The following PAPPA2 variants were observed in gnomAD, a reference collection of about 807,000 sequenced individuals.
The protein encoded by PAPPA2 is pappalysin-2.
PAPPA2 carries 86 observed loss-of-function variants against 176.4 expected under a neutral mutation model. The ratio of observed to expected loss-of-function variants is 0.49; its 90% CI spans 0.41 to 0.58. The LOEUF (loss-of-function observed/expected upper bound fraction) is 0.58, where lower values mean the gene tolerates loss of function less well. Among genes scored for constraint, PAPPA2 ranks in the 20% least tolerant of loss-of-function variants. The probability of loss-of-function intolerance (pLI) is 0.00; values close to 1 mark genes in which losing one functional copy is unlikely to be tolerated. For missense variants in PAPPA2, 2,073 were observed against 2,256.9 expected (o/e 0.92, Z 1.65); for synonymous variants, 809 against 852.2 (o/e 0.95, Z 0.88).
At chr1:176,710,803 T>C (rs1661108171) in intron 11 of PAPPA2, among the ~76,000 whole-genome samples, 1 of 152,170 alleles carries the variant, frequency 6.6e-6, no homozygotes, top group Admixed American at 6.5e-5. Flanking sequence ...TAGGATTTTA[T>C]ACTTGAGAAG....
intron 1 of PAPPA2, among the ~76,000 whole-genome samples, chr1:176,554,249 C>T (rs181619241): frequency 7.2e-5 from 11 of 152,232 alleles, no homozygotes; most frequent in Non-Finnish European, 8.8e-5. Context: ...AGAGGCAGTG[C>T]GATCTTACTC....
intron 3 of PAPPA2, among the ~76,000 whole-genome samples, chr1:176,666,734 A>C (rs571302895): frequency 6.6e-6 from 1 of 152,028 alleles, no homozygotes; most frequent in South Asian, 2.1e-4. Flanking sequence ...GAAGATAGGA[A>C]ATTGAGGTGA....
At chr1:176,678,606 T>C (rs1204151107) in intron 4 of PAPPA2, among the ~76,000 whole-genome samples, 1 of 152,082 alleles carries the variant, frequency 6.6e-6, no homozygotes, top group Non-Finnish European at 1.5e-5. Context: ...CTGGAAAAAG[T>C]GCTAATATGT....
intron 1 of PAPPA2, among the ~76,000 whole-genome samples, chr1:176,502,991 T>C (rs1426671080): frequency 1.3e-5 from 2 of 152,168 alleles, no homozygotes; most frequent in African/African-American, 4.8e-5. Context: ...TGAAATAAAT[T>C]GCTGCAAATT....
rs1665165930 is a variant in PAPPA2 at position 176,791,285 on chromosome 1, T to C, written c.4885-62T>C. On this transcript the variant is annotated intron_variant, in intron 18 of 22. Transcript: ENST00000367662. Reference sequence around the variant, plus strand: ...AATACTACCACTTAATCAGACCACTTTTTTCAACTCTCAATAAAGTTAACA... The same window carrying C: ...AATACTACCACTTAATCAGACCACTCTTTTCAACTCTCAATAAAGTTAACA... 2.0e-6 allele frequency: 3 copies of C among 1,476,916 alleles called. No homozygotes were observed. In the African/African-American group the frequency reaches 4.4e-5, roughly 22 times the overall value. The allele number at this position is 1,476,916 out of a possible 1,614,324, so 91.5% of individuals were successfully genotyped here.
intron 3 of PAPPA2, among the ~76,000 whole-genome samples, chr1:176,670,026 C>G (rs1658894442): frequency 6.6e-6 from 1 of 152,052 alleles, no homozygotes; most frequent in Non-Finnish European, 1.5e-5. Flanking sequence ...AATGGCAGAC[C>G]ACGGCCACTG....
intron 1 of PAPPA2, among the ~76,000 whole-genome samples, chr1:176,537,509 T>G (rs190060957): frequency 4.8e-4 from 73 of 152,338 alleles, no homozygotes; most frequent in African/African-American, 1.7e-3. Flanking sequence ...AATTCTATAC[T>G]CTGACATGTT....
intron 6 of PAPPA2, among the ~76,000 whole-genome samples, chr1:176,694,577 C>G (rs1435040467): frequency 1.3e-5 from 2 of 152,236 alleles, no homozygotes; most frequent in African/African-American, 4.8e-5. Flanking sequence ...GAGACCCTGA[C>G]TTGATGCCTC....
chr1:176,684,662 A>G (rs943301042), intron 4 of PAPPA2, among the ~76,000 whole-genome samples: 1 of 152,152 alleles, frequency 6.6e-6, no homozygotes, highest in Non-Finnish European at 1.5e-5. Flanking sequence ...TGATAATCAT[A>G]TTCCCCATAA....
At chr1:176,779,856 G>T (rs1255630639) in intron 17 of PAPPA2, among the ~76,000 whole-genome samples, 1 of 152,128 alleles carries the variant, frequency 6.6e-6, no homozygotes, top group Non-Finnish European at 1.5e-5. Flanking sequence ...GAATCTCCCA[G>T]GTGCAGCCAC....
chr1:176,584,215 A>C (rs954924999), intron 2 of PAPPA2, among the ~76,000 whole-genome samples: 2 of 152,088 alleles, frequency 1.3e-5, no homozygotes, highest in African/African-American at 4.8e-5. Context: ...TGGGCTTTTT[A>C]GTTGATATTA....
At chr1:176,680,357 A>T (rs1175886197) in intron 4 of PAPPA2, among the ~76,000 whole-genome samples, 2 of 152,052 alleles carry the variant, frequency 1.3e-5, no homozygotes, top group African/African-American at 2.4e-5. Flanking sequence ...TTTCACTTCT[A>T]TAGAATTTTA....
chr1:176,666,707 C>T (rs1224545591), intron 3 of PAPPA2, among the ~76,000 whole-genome samples: 1 of 150,782 alleles, frequency 6.6e-6, no homozygotes, highest in Non-Finnish European at 1.5e-5. Context: ...GAGGTATGAG[C>T]ATCTACTAAG....
At chr1:176,590,821 G>C (rs1048190732) in intron 2 of PAPPA2, among the ~76,000 whole-genome samples, 2 of 152,018 alleles carry the variant, frequency 1.3e-5, no homozygotes, top group African/African-American at 4.8e-5. Context: ...TCCCAGCATA[G>C]GTTTTGTAGA....
At chr1:176,649,168 G>GT (rs1191485659) in intron 3 of PAPPA2, among the ~76,000 whole-genome samples, 1 of 151,310 alleles carries the variant, frequency 6.6e-6, no homozygotes, top group African/African-American at 2.4e-5. Context: ...TTTGTAGGTT[G>GT]TATGTGTCCA....
intron 21 of PAPPA2, among the ~76,000 whole-genome samples, chr1:176,805,549 G>A (rs1032127229): frequency 9.8e-5 from 15 of 152,290 alleles, no homozygotes; most frequent in African/African-American, 3.1e-4. Context: ...CTTTCTCTTA[G>A]AACTTCTGTG....
intron 17 of PAPPA2, among the ~76,000 whole-genome samples, chr1:176,786,297 T>G (rs150700519): frequency 1.3e-5 from 2 of 152,260 alleles, no homozygotes; most frequent in African/African-American, 4.8e-5. Context: ...GTATAAAGTT[T>G]AAAACCAGGC....
At chr1:176,643,519 T>A in intron 3 of PAPPA2, among the ~76,000 whole-genome samples, 1 of 151,652 alleles carries the variant, frequency 6.6e-6, no homozygotes, top group East Asian at 1.9e-4. Flanking sequence ...ACCATCATAG[T>A]TTGCAGATTC....
chr1:176,831,945 C>T (rs1415026052), intron 21 of PAPPA2, among the ~76,000 whole-genome samples: 1 of 152,130 alleles, frequency 6.6e-6, no homozygotes, highest in African/African-American at 2.4e-5. Flanking sequence ...CTCTGTCTTT[C>T]ATGACTCAGG....
Sources: gnomAD v4.1 joint callset for allele counts (sites outside exome capture counted in the v4.1 genomes callset) on GRCh38, gnomAD v4.1.1 for gene constraint, MANE v1.5 for transcripts, NCBI Gene and HGNC (gene_info 2026-07-23, HGNC 2026-07-21) for gene names.